SUGCT: variants seen among roughly 807,000 people sequenced by gnomAD.
SUGCT encodes the protein succinyl-CoA:glutarate-CoA transferase.
In SUGCT, 41 loss-of-function variants were observed where a neutral mutation model predicts 55.0. The observed-to-expected ratio is 0.74, with a 90% CI of 0.58 to 0.97. The LOEUF (loss-of-function observed/expected upper bound fraction) is 0.97, where lower values mean the gene tolerates loss of function less well. Among genes scored for constraint, SUGCT ranks in the 50% least tolerant of loss-of-function variants. The pLI, the probability that SUGCT is intolerant of heterozygous loss-of-function variation, is 0.00. For missense variants in SUGCT, 568 were observed against 547.8 expected (o/e 1.04, Z -0.37); for synonymous variants, 187 against 200.4 (o/e 0.93, Z 0.56).
At chr7:40,485,417 CT>C (rs397889166) in intron 11 of SUGCT, among the ~76,000 whole-genome samples, 6,898 of 74,120 alleles carry the variant, frequency 0.093, 47 homozygotes, top group African/African-American at 0.17. Context: ...TATATACATT[CT>C]TTTTTTTTTT....
intron 1 of SUGCT, 111 bp downstream of exon 1, chr7:40,135,231 CGG>C: frequency 7.7e-7 from 1 of 1,304,510 alleles, no homozygotes. Flanking sequence ...GACCCCTTAG[CGG>C]TGGCTTTGCT....
chr7:40,919,132 A>G, the SUGCT span, among the ~76,000 whole-genome samples: 1 of 152,164 alleles, frequency 6.6e-6, no homozygotes, highest in Non-Finnish European at 1.5e-5. Flanking sequence ...ACTGAATCAC[A>G]TGCCTTTAAC....
At chr7:40,892,013 A>G in the SUGCT span, among the ~76,000 whole-genome samples, 4 of 152,146 alleles carry the variant, frequency 2.6e-5, no homozygotes, top group Admixed American at 1.3e-4. Flanking sequence ...TCTCAACAAA[A>G]AAAAAAGAAT....
intron 12 of SUGCT, among the ~76,000 whole-genome samples, chr7:40,662,006 G>C (rs1156999545): frequency 6.6e-6 from 1 of 152,152 alleles, no homozygotes; most frequent in Non-Finnish European, 1.5e-5. Flanking sequence ...ATCTCTACTA[G>C]AATTCGTAAC....
At chr7:40,681,182 T>C (rs1170641115) in intron 12 of SUGCT, among the ~76,000 whole-genome samples, 1 of 152,116 alleles carries the variant, frequency 6.6e-6, no homozygotes, top group African/African-American at 2.4e-5. Context: ...CATTAGATAG[T>C]AGTGATTGGC....
chr7:40,564,704 A>G (rs571613309), intron 12 of SUGCT, among the ~76,000 whole-genome samples: 1 of 152,326 alleles, frequency 6.6e-6, no homozygotes, highest in Admixed American at 6.5e-5. Flanking sequence ...ACCTGGGTCA[A>G]TGATACTTGT....
At chr7:40,985,599 C>A in the SUGCT span, among the ~76,000 whole-genome samples, 1 of 152,090 alleles carries the variant, frequency 6.6e-6, no homozygotes, top group Non-Finnish European at 1.5e-5. Context: ...TAAAAGCCTG[C>A]AAGTTTTGGG....
At chr7:40,339,649 C>G (rs1165102340) in intron 9 of SUGCT, among the ~76,000 whole-genome samples, 1 of 152,196 alleles carries the variant, frequency 6.6e-6, no homozygotes, top group East Asian at 1.9e-4. Flanking sequence ...TCTGTCACAG[C>G]TTCGCTTGGC....
chr7:40,248,007 T>G (rs1790025351), intron 7 of SUGCT, among the ~76,000 whole-genome samples: 1 of 86,884 alleles, frequency 1.2e-5, no homozygotes, highest in African/African-American at 4.3e-5. Context: ...GTGTTTTTGT[T>G]TTTTTGTTTT....
intron 12 of SUGCT, among the ~76,000 whole-genome samples, chr7:40,497,563 C>T (rs996707560): frequency 5.3e-5 from 8 of 152,056 alleles, no homozygotes; most frequent in Admixed American, 3.3e-4. Flanking sequence ...AAAGGGACCC[C>T]ACACCATCAG....
chr7:40,477,423 G>T (rs1790761100), intron 11 of SUGCT, among the ~76,000 whole-genome samples: 1 of 152,060 alleles, frequency 6.6e-6, no homozygotes, highest in Admixed American at 6.6e-5. Flanking sequence ...AGCACTTCCT[G>T]TACTGTATAC....
intron 9 of SUGCT, among the ~76,000 whole-genome samples, chr7:40,355,365 C>G (rs139885078): frequency 1.3e-5 from 2 of 152,290 alleles, no homozygotes; most frequent in East Asian, 3.8e-4. Flanking sequence ...TCAATCAAAA[C>G]CTATGACAAT....
rs1322653421 is a variant in SUGCT, at chr7:40,156,286, AC to A, written c.100+21170del. The stretch of plus-strand genomic sequence containing the variant: ...AGAGCATCCTGGCTAACACAGTGAA[AC>A]CCCGTCTCTACTAAAAATACAAAAA... On this transcript the variant is annotated intron_variant, in intron 1 of 13. Coordinates refer to ENST00000335693, the MANE Select transcript of SUGCT (RefSeq NM_001193313.2). 5.3e-5 allele frequency among the ~76,000 whole-genome samples: 8 copies of A among 150,700 alleles called. No individual in the cohort carries two copies. The East Asian group carries it at 1.4e-3, about 26-fold the overall frequency.
At chr7:40,576,213 AAAGTGATGAG>A (rs1312362224) in intron 12 of SUGCT, among the ~76,000 whole-genome samples, 2 of 152,290 alleles carry the variant, frequency 1.3e-5, no homozygotes, top group South Asian at 2.1e-4. Context: ...AAAAGAATTA[AAAGTGATGAG>A]AAGTGTTTAT....
chr7:40,601,990 T>G (rs1798314763), intron 12 of SUGCT, among the ~76,000 whole-genome samples: 1 of 152,188 alleles, frequency 6.6e-6, no homozygotes, highest in African/African-American at 2.4e-5. Flanking sequence ...TCTTTGGACT[T>G]TTATAGACAT....
the SUGCT span, among the ~76,000 whole-genome samples, chr7:40,971,422 A>G: frequency 6.6e-6 from 1 of 152,192 alleles, no homozygotes; most frequent in Non-Finnish European, 1.5e-5. Flanking sequence ...AGACCAGTTC[A>G]AAGAATATTC....
At chr7:40,571,736 T>G in intron 12 of SUGCT, among the ~76,000 whole-genome samples, 1 of 152,178 alleles carries the variant, frequency 6.6e-6, no homozygotes, top group South Asian at 2.1e-4. Flanking sequence ...CTTTTCTGTC[T>G]TCAGAAAAGC....
chr7:40,547,745 T>TA (rs1795070990), intron 12 of SUGCT, among the ~76,000 whole-genome samples: 1 of 152,222 alleles, frequency 6.6e-6, no homozygotes, highest in Non-Finnish European at 1.5e-5. Context: ...TGTAGTTTTA[T>TA]AAAATATTAG....
At chr7:40,459,300 G>A (rs868747551) in intron 11 of SUGCT, 102 bp downstream of exon 11, 9 of 744,556 alleles carry the variant, frequency 1.2e-5, no homozygotes, top group Middle Eastern at 4.0e-4. Flanking sequence ...AGATCAATTT[G>A]TAATTCTCTT....
Sources: allele counts gnomAD v4.1 joint callset (sites outside exome capture counted in the v4.1 genomes callset), GRCh38; gene constraint gnomAD v4.1.1; transcripts MANE v1.5; gene names NCBI Gene and HGNC (gene_info 2026-07-23, HGNC 2026-07-21).